The following TIAM1 variants were observed in gnomAD, a reference collection of about 807,000 sequenced individuals.
TIAM1 encodes TIAM Rac1 associated GEF 1.
In TIAM1, 65 loss-of-function variants were observed where a neutral mutation model predicts 163.5. The ratio of observed to expected loss-of-function variants is 0.40; its 90% CI spans 0.33 to 0.49. The LOEUF (loss-of-function observed/expected upper bound fraction) is 0.49, where lower values mean the gene tolerates loss of function less well. Among genes scored for constraint, TIAM1 ranks in the 20% least tolerant of loss-of-function variants. The pLI is 0.77. For synonymous variants in TIAM1, 833 were observed against 810.1 expected, an observed-to-expected ratio of 1.03 and a Z score of -0.48; for missense variants, 1,789 against 2,044.7, an observed-to-expected ratio of 0.87 and a Z score of 2.41.
intron 25 of TIAM1, 102 bp downstream of exon 25, chr21:31,130,111 A>G: frequency 1.1e-6 from 1 of 935,044 alleles, no homozygotes; most frequent in South Asian, 1.9e-5. Flanking sequence ...AAAAAAAAAA[A>G]AGACGGTAGA....
chr21:31,470,049 G>C (rs1347598215), intron 1 of TIAM1, among the ~76,000 whole-genome samples: 1 of 149,620 alleles, frequency 6.7e-6, no homozygotes, highest in Non-Finnish European at 1.5e-5. Context: ...TGTCACCCAG[G>C]CTGGAGTGCA....
rs2077052830 is a variant in TIAM1 at position 31,395,600 on chromosome 21, T to C, written c.-368-56178A>G. On this transcript the variant is annotated intron_variant, in intron 2 of 28. Transcript: ENST00000286827. The surrounding 1 kb of genome is among the most constrained non-coding windows in gnomAD (Gnocchi z 7.5). ...TCTCCAACTGAGAAAGCAGATTGCG[T>C]TACATTTCTCCACATAAATGAACTT... is the stretch of plus-strand genomic sequence containing the variant. Among the ~76,000 whole-genome samples, 2 of 152,204 alleles carry C rather than the reference T, an allele frequency of 1.3e-5. No homozygotes were observed. The highest frequency in any genetic ancestry group is 4.1e-4 in the South Asian group (2 of 4,820).
intron 2 of TIAM1, among the ~76,000 whole-genome samples, chr21:31,279,085 T>C (rs759310517): frequency 6.6e-6 from 1 of 152,132 alleles, no homozygotes; most frequent in Non-Finnish European, 1.5e-5. Context: ...AATAAAATTT[T>C]TTCTCTATCT....
At chr21:31,419,844 A>C (rs1000975186) in intron 2 of TIAM1, among the ~76,000 whole-genome samples, 3 of 152,218 alleles carry the variant, frequency 2.0e-5, no homozygotes, top group Admixed American at 2.0e-4. Flanking sequence ...TGAGGTCAGG[A>C]GTTCAAGACC....
At chr21:31,146,849 A>G (rs747049244) in intron 20 of TIAM1, 46 bp downstream of exon 20, 2 of 1,501,952 alleles carry the variant, frequency 1.3e-6, no homozygotes, top group East Asian at 4.5e-5. Flanking sequence ...CAGCCACACA[A>G]CTGACAAGCA....
At chr21:31,125,483 C>T (rs1355473825) in intron 26 of TIAM1, among the ~76,000 whole-genome samples, 1 of 152,244 alleles carries the variant, frequency 6.6e-6, no homozygotes. Flanking sequence ...TCCCGGGGAT[C>T]TGCCTTTTGT....
intron 13 of TIAM1, among the ~76,000 whole-genome samples, chr21:31,188,945 T>C (rs919287908): frequency 3.3e-5 from 5 of 150,334 alleles, no homozygotes. Context: ...AACTGGAAGA[T>C]GGCAGGAGAG....
chr21:31,293,626 G>T (rs1250729027), intron 2 of TIAM1, among the ~76,000 whole-genome samples: 1 of 152,190 alleles, frequency 6.6e-6, no homozygotes, highest in Non-Finnish European at 1.5e-5. Flanking sequence ...ATCCCACAAG[G>T]CCACCTGTCC....
At chr21:31,371,782 C>G (rs1180792152) in intron 2 of TIAM1, among the ~76,000 whole-genome samples, 1 of 152,140 alleles carries the variant, frequency 6.6e-6, no homozygotes, top group Admixed American at 6.5e-5. Flanking sequence ...ACAGGAAAGT[C>G]CTTCTAACTC....
chr21:31,291,208 A>G (rs890439046), intron 2 of TIAM1, among the ~76,000 whole-genome samples: 2 of 152,204 alleles, frequency 1.3e-5, no homozygotes, highest in African/African-American at 4.8e-5. Flanking sequence ...CCAGGGTAAG[A>G]AGCCAAGAAA....
chr21:31,540,685 C>T (rs2048294416), intron 1 of TIAM1, among the ~76,000 whole-genome samples: 1 of 152,236 alleles, frequency 6.6e-6, no homozygotes, highest in African/African-American at 2.4e-5. Flanking sequence ...CAACATCTCA[C>T]AGATGAGGAA....
rs551040121 is a variant in TIAM1 at position 31,337,312 on chromosome 21, C to T, written c.-189+1931G>A. On this transcript the variant is annotated intron_variant, in intron 2 of 27. Coordinates refer to ENST00000541036, the MANE Select transcript of TIAM1 (RefSeq NM_001353694.2). ...TCAGGGTTAGCCCTTGCTAGGGATGCCCTGGGGGTATAGAGACTACCAGGT... is the reference window on the plus strand; with the variant it reads ...TCAGGGTTAGCCCTTGCTAGGGATGTCCTGGGGGTATAGAGACTACCAGGT... Among the ~76,000 whole-genome samples the T allele has an allele frequency of 3.9e-5, 6 of 151,994 alleles. No homozygotes were observed. In the East Asian group the frequency reaches 1.2e-3, roughly 30 times the overall value.
chr21:31,204,454 G>C (rs2086352184), intron 11 of TIAM1, among the ~76,000 whole-genome samples: 1 of 151,908 alleles, frequency 6.6e-6, no homozygotes, highest in South Asian at 2.1e-4. Flanking sequence ...CTGCAGGTGA[G>C]AATTATTTCA....
intron 1 of TIAM1, among the ~76,000 whole-genome samples, chr21:31,493,555 C>T (rs906668925): frequency 1.3e-5 from 2 of 152,128 alleles, no homozygotes; most frequent in Non-Finnish European, 2.9e-5. Flanking sequence ...TGTAGAGTAT[C>T]AAGATAAGCT....
At position 31,203,019 on chromosome 21, in the gene TIAM1, C is replaced by CA. The variant is rs58281566; in HGVS notation, c.2389-8dup. On this transcript the variant is annotated splice_polypyrimidine_tract_variant and splice_region_variant and intron_variant, in intron 11 of 27. Coordinates refer to ENST00000541036, the MANE Select transcript of TIAM1 (RefSeq NM_001353694.2). ...AATGATCCAGTTGATGTGTCTGGGA[C>CA]AAAAAAGAAAGAAAGAAAGAAAATG... 23,656 of 1,606,752 alleles carry CA rather than the reference C, an allele frequency of 0.015. 2,840 individuals are homozygous for CA. The African/African-American group carries it at 0.27, about 18-fold the overall frequency.
intron 1 of TIAM1, among the ~76,000 whole-genome samples, chr21:31,539,792 T>G (rs2048261864): frequency 6.6e-6 from 1 of 152,206 alleles, no homozygotes; most frequent in African/African-American, 2.4e-5. Flanking sequence ...ACCCAGGTTG[T>G]GTGGCCTGTC....
intron 2 of TIAM1, among the ~76,000 whole-genome samples, chr21:31,387,195 C>CT (rs60592178): frequency 0.027 from 2,014 of 74,890 alleles, 50 homozygotes; most frequent in African/African-American, 0.038. Context: ...AGCTTATTCT[C>CT]TTTTTTTTTT....
intron 10 of TIAM1, 103 bp from the exon 11 acceptor site, chr21:31,210,318 C>A: frequency 7.7e-7 from 1 of 1,296,152 alleles, no homozygotes; most frequent in African/African-American, 1.5e-5. Flanking sequence ...GAAAACAGCC[C>A]AGGGCAGAAG....
At chr21:31,157,084 G>C (rs983615625) in intron 16 of TIAM1, among the ~76,000 whole-genome samples, 17 of 152,188 alleles carry the variant, frequency 1.1e-4, no homozygotes, top group African/African-American at 3.6e-4. Context: ...TTTTACTGTA[G>C]GCTAATTGAT....
Sources: gnomAD v4.1 joint callset for allele counts (sites outside exome capture counted in the v4.1 genomes callset) on GRCh38, gnomAD v4.1.1 for gene constraint, Gnocchi (gnomAD v3.1) non-coding constraint, MANE v1.5 for transcripts, NCBI Gene and HGNC (gene_info 2026-07-23, HGNC 2026-07-21) for gene names.